The following NDST3 variants were observed in gnomAD, a reference collection of about 807,000 sequenced individuals.
NDST3 encodes the protein N-deacetylase and N-sulfotransferase 3.
Under a neutral mutation model 96.1 loss-of-function variants are expected in NDST3, and 58 were observed. That is an observed-to-expected ratio of 0.60 (90% CI 0.49 to 0.75). The LOEUF (loss-of-function observed/expected upper bound fraction) is 0.75. Ranked by LOEUF, NDST3 falls within the 30% of genes least tolerant of loss-of-function variation. The pLI, the probability that NDST3 is intolerant of heterozygous loss-of-function variation, is 0.00. For synonymous variants in NDST3, 333 were observed against 359.7 expected (o/e 0.93, Z 0.84); for missense variants, 788 against 1,034.2 (o/e 0.76, Z 3.27).
intron 8 of NDST3, among the ~76,000 whole-genome samples, chr4:118,228,523 G>C (rs952731729): frequency 6.6e-6 from 1 of 152,172 alleles, no homozygotes; most frequent in South Asian, 2.1e-4. Flanking sequence ...TATGGCATTT[G>C]TCGTTGGAAA....
intron 6 of NDST3, among the ~76,000 whole-genome samples, chr4:118,216,353 T>C (rs1578827901): frequency 6.6e-6 from 1 of 152,120 alleles, no homozygotes; most frequent in Non-Finnish European, 1.5e-5. Flanking sequence ...AGAAATGATG[T>C]TTCTCCAAAA....
At chr4:118,044,934 A>G (rs1423577387) in intron 1 of NDST3, among the ~76,000 whole-genome samples, 1 of 148,856 alleles carries the variant, frequency 6.7e-6, no homozygotes, top group Non-Finnish European at 1.5e-5. Context: ...CTCATGACCT[A>G]CTCACTTCTT....
In NDST3 at chr4:118,240,583, A is replaced by G. The variant is rs767193754; in HGVS notation, c.2178A>G (p.Ser726=). Residue 726 remains serine (S), a synonymous_variant, in exon 11 of 14, where the codon TCA becomes TCG. Transcript: ENST00000296499. ...AGTTTAGCTTCTACGAAGTGATCTC[A>G]GCAGGGCCCCGTGCACCCTCGGAGC... is the stretch of plus-strand genomic sequence containing the variant. ...ALKFSFYEVI[S]AGPRAPSELR... is the part of the protein sequence containing the mutation. The G allele has an allele frequency of 3.7e-6, 6 of 1,613,550 alleles. No individual in the cohort carries two copies. In the South Asian group the frequency reaches 5.5e-5, roughly 15 times the overall value.
intron 6 of NDST3, chr4:118,193,597 C>T (rs1737461095): frequency 8.4e-7 from 1 of 1,197,464 alleles, no homozygotes; most frequent in East Asian, 2.3e-5. Context: ...GCTGCTGGCA[C>T]ACAGCCAGCT....
At chr4:118,232,660 A>C (rs533514823) in intron 8 of NDST3, among the ~76,000 whole-genome samples, 1 of 151,162 alleles carries the variant, frequency 6.6e-6, no homozygotes, top group East Asian at 1.9e-4. Flanking sequence ...AGAGAGAGAA[A>C]GAAGGAAAGA....
chr4:118,065,669 T>A (rs1223858893), intron 2 of NDST3, among the ~76,000 whole-genome samples: 2 of 151,982 alleles, frequency 1.3e-5, no homozygotes, highest in Non-Finnish European at 2.9e-5. Flanking sequence ...TTCTATTTTG[T>A]TCTCTTTGAT....
chr4:118,098,192 A>G (rs1365586928), intron 2 of NDST3, among the ~76,000 whole-genome samples: 2 of 151,948 alleles, frequency 1.3e-5, no homozygotes, highest in African/African-American at 4.8e-5. Flanking sequence ...CCCTCATGTG[A>G]AATCTTACAG....
intron 6 of NDST3, among the ~76,000 whole-genome samples, chr4:118,159,899 A>G: frequency 6.6e-6 from 1 of 152,204 alleles, no homozygotes; most frequent in East Asian, 1.9e-4. Context: ...TAAACAGTGA[A>G]GAAAGTCTAA....
intron 5 of NDST3, among the ~76,000 whole-genome samples, chr4:118,142,114 A>G (rs1733613313): frequency 6.6e-6 from 1 of 152,064 alleles, no homozygotes; most frequent in African/African-American, 2.4e-5. Flanking sequence ...ATGCATTTGC[A>G]TTTAGTTGTT....
rs186136245 is a variant in NDST3 at position 118,128,834 on chromosome 4, G to A, written c.1225-9220G>A. On this transcript the variant is annotated intron_variant, in intron 4 of 13. Coordinates refer to ENST00000296499, the MANE Select transcript of NDST3 (RefSeq NM_004784.3). ...CAAGTCCTAGGTGTTTCTTTACTGG[G>A]AGACGTTTTATTATGTCTTCAATCT... 1.7e-4 allele frequency among the ~76,000 whole-genome samples: 26 copies of A among 151,968 alleles called. No individual in the cohort carries two copies. The East Asian group carries it at 4.6e-3, about 27-fold the overall frequency.
intron 2 of NDST3, among the ~76,000 whole-genome samples, chr4:118,066,152 A>T (rs1216138912): frequency 0.013 from 184 of 13,786 alleles, 1 homozygote; most frequent in African/African-American, 0.019. Context: ...TTTATATATT[A>T]TATATATTAT....
intron 6 of NDST3, among the ~76,000 whole-genome samples, chr4:118,223,796 T>C (rs1739695817): frequency 6.6e-6 from 1 of 152,268 alleles, no homozygotes; most frequent in Non-Finnish European, 1.5e-5. Context: ...TATTATCACA[T>C]GAATTATTTT....
At position 118,174,962 on chromosome 4, in the gene NDST3, T is replaced by C. The variant is rs889422998; in HGVS notation, c.1539+31278T>C. Among the ~76,000 whole-genome samples the C allele has an allele frequency of 2.6e-5, 4 of 152,254 alleles. No individual in the cohort carries two copies. In the East Asian group the frequency reaches 7.7e-4, roughly 29 times the overall value. ...CTAAAAGCCATCCCTTCCTTTCACA[T>C]TTTATAATCCTCATAAGATTAACAG... On this transcript the variant is annotated intron_variant, in intron 6 of 13. Coordinates refer to ENST00000296499, the MANE Select transcript of NDST3 (RefSeq NM_004784.3).
rs1358509965 is a variant in NDST3 at position 118,257,021 on chromosome 4, A to G, written c.*1309A>G. The G allele has an allele frequency of 6.6e-6, 1 of 152,232 alleles. No individual in the cohort carries two copies. Among genetic ancestry groups the G allele is most frequent in the Non-Finnish European group, 1.5e-5 (1 of 68,046 alleles). 9.4% of individuals were successfully genotyped at this position (152,232 alleles called of 1,614,324 possible). A position where few individuals can be genotyped will look rare whatever the true frequency, so the allele number is the denominator to read the frequency against. On this transcript the variant is annotated 3_prime_UTR_variant, in exon 14 of 14. Coordinates refer to ENST00000296499, the MANE Select transcript of NDST3 (RefSeq NM_004784.3). Reference sequence around the variant, plus strand: ...ATTAAATGCAGGAAGTACAAAGATGAGCAAGTCATGCTCTTGAAATATATT... The same window carrying G: ...ATTAAATGCAGGAAGTACAAAGATGGGCAAGTCATGCTCTTGAAATATATT...
At position 118,136,186 on chromosome 4, in the gene NDST3, C is replaced by T. The variant is rs1733073771; in HGVS notation, c.1225-1868C>T. On this transcript the variant is annotated intron_variant, in intron 4 of 13. Transcript: ENST00000296499. The stretch of plus-strand genomic sequence containing the variant: ...CCCACACTCTTCAAAAAGTTGTTAA[C>T]CTCCTCAGCACCACATAACATTTCC... Among the ~76,000 whole-genome samples, 4 of 152,274 alleles carry T rather than the reference C, an allele frequency of 2.6e-5. No homozygotes were observed. In the South Asian group the frequency reaches 8.3e-4, roughly 32 times the overall value.
chr4:118,102,250 AT>A (rs1372986664), intron 2 of NDST3, among the ~76,000 whole-genome samples: 2 of 152,038 alleles, frequency 1.3e-5, no homozygotes, highest in African/African-American at 2.4e-5. Flanking sequence ...CAAAAGTCCC[AT>A]TTTTCAATAA....
chr4:118,114,789 T>C lies in NDST3; in HGVS notation c.1070-17T>C. The C allele has an allele frequency of 4.0e-6, 6 of 1,499,306 alleles. No homozygotes were observed. In the Middle Eastern group the frequency reaches 1.0e-3, roughly 258 times the overall value. 92.9% of individuals were successfully genotyped at this position (1,499,306 alleles called of 1,614,324 possible). The stretch of plus-strand genomic sequence containing the variant: ...AGTGTAACTGGAATTAATTGGATAA[T>C]ATTTCCCCCCCTAAAGGAACTGAAG... On this transcript the variant is annotated splice_polypyrimidine_tract_variant and intron_variant, in intron 3 of 13. Coordinates refer to ENST00000296499, the MANE Select transcript of NDST3 (RefSeq NM_004784.3).
At chr4:118,147,962 C>T (rs1480353664) in intron 6 of NDST3, among the ~76,000 whole-genome samples, 1 of 152,116 alleles carries the variant, frequency 6.6e-6, no homozygotes, top group Admixed American at 6.5e-5. Flanking sequence ...AAAGTCAGTG[C>T]TTACCTATTA....
At chr4:118,209,866 C>A (rs1040354495) in intron 6 of NDST3, among the ~76,000 whole-genome samples, 1 of 152,068 alleles carries the variant, frequency 6.6e-6, no homozygotes, top group Non-Finnish European at 1.5e-5. Context: ...GACTAAGGCA[C>A]GAGCCAGGTA....
Sources: allele counts gnomAD v4.1 joint callset (sites outside exome capture counted in the v4.1 genomes callset), GRCh38; gene constraint gnomAD v4.1.1; transcripts MANE v1.5; gene names NCBI Gene and HGNC (gene_info 2026-07-23, HGNC 2026-07-21).